Variants in DHRS7B observed in about 807,000 individuals in gnomAD.
The protein encoded by DHRS7B is peroxisomal reductase activating PPAR-gamma.
Under a neutral mutation model 26.4 loss-of-function variants are expected in DHRS7B, and 24 were observed. The observed-to-expected ratio is 0.91, with a 90% confidence interval of 0.66 to 1.28. The LOEUF (loss-of-function observed/expected upper bound fraction) is 1.28, where lower values mean the gene tolerates loss of function less well. Ranked by LOEUF, DHRS7B falls within the 50% of genes most tolerant of loss-of-function variation. DHRS7B has a pLI of 0.00. For missense variants in DHRS7B, 368 were observed against 419.4 expected (o/e 0.88, Z 1.07); for synonymous variants, 142 against 166.4 (o/e 0.85, Z 1.13).
intron 1 of DHRS7B, among the ~76,000 whole-genome samples, chr17:21,137,693 G>A (rs185044973): frequency 4.6e-5 from 7 of 152,142 alleles, no homozygotes; most frequent in African/African-American, 1.4e-4. Flanking sequence ...CCAACCTCAG[G>A]TGATCCGACT....
chr17:21,190,669 G>C (rs1974756355), intron 6 of DHRS7B, among the ~76,000 whole-genome samples: 1 of 152,224 alleles, frequency 6.6e-6, no homozygotes, highest in African/African-American at 2.4e-5. Flanking sequence ...GACTCACTTT[G>C]GTTCCAAGCC....
At chr17:21,177,467 G>A (rs189550398) in intron 2 of DHRS7B, among the ~76,000 whole-genome samples, 11 of 152,268 alleles carry the variant, frequency 7.2e-5, no homozygotes, top group Admixed American at 4.6e-4. Context: ...GTTGAAGTCC[G>A]CATCGATTGT....
intron 1 of DHRS7B, among the ~76,000 whole-genome samples, chr17:21,171,228 G>A (rs950937326): frequency 2.8e-4 from 42 of 152,212 alleles, no homozygotes; most frequent in African/African-American, 9.9e-4. Flanking sequence ...AGGTGAATGC[G>A]GAGGAATGGG....
intron 1 of DHRS7B, among the ~76,000 whole-genome samples, chr17:21,164,760 T>G (rs1486285461): frequency 6.6e-5 from 10 of 152,340 alleles, no homozygotes; most frequent in Non-Finnish European, 1.5e-5. Context: ...GCTTTTCTCC[T>G]TCGTTCATTG....
intron 1 of DHRS7B, among the ~76,000 whole-genome samples, chr17:21,153,002 A>G (rs536199555): frequency 7.5e-4 from 113 of 151,588 alleles, no homozygotes; most frequent in Non-Finnish European, 1.4e-3. Flanking sequence ...CCTTTTGATT[A>G]AAAAATTACA....
At chr17:21,140,022 C>CTTGTTT (rs1973456409) in intron 1 of DHRS7B, among the ~76,000 whole-genome samples, 1 of 106,702 alleles carries the variant, frequency 9.4e-6, no homozygotes, top group African/African-American at 3.7e-5. Context: ...CTTTCAGATT[C>CTTGTTT]TTTTTTTTTT....
chr17:21,148,701 G>A (rs766221943), intron 1 of DHRS7B, among the ~76,000 whole-genome samples: 99 of 152,174 alleles, frequency 6.5e-4, no homozygotes, highest in African/African-American at 2.1e-3. Flanking sequence ...AGCCAAGATC[G>A]TGCCACTGCA....
intron 5 of DHRS7B, among the ~76,000 whole-genome samples, chr17:21,184,801 A>G (rs370735361): frequency 3.5e-4 from 54 of 152,284 alleles, no homozygotes; most frequent in African/African-American, 1.2e-3. Flanking sequence ...AGCCACTCCT[A>G]CTGTTAAGAT....
intron 1 of DHRS7B, among the ~76,000 whole-genome samples, chr17:21,159,250 CT>C (rs749833688): frequency 0.022 from 3,118 of 143,758 alleles, 113 homozygotes; most frequent in African/African-American, 0.07. Flanking sequence ...TTCTTTCTTT[CT>C]TTTTTTTTTT....
At chr17:21,132,530 C>CAAAAA (rs34728939) in intron 1 of DHRS7B, among the ~76,000 whole-genome samples, 1 of 81,686 alleles carries the variant, frequency 1.2e-5, no homozygotes, top group Non-Finnish European at 2.1e-5. Flanking sequence ...GACCTTGTCT[C>CAAAAA]AAAAAAAAAA....
intron 1 of DHRS7B, among the ~76,000 whole-genome samples, chr17:21,149,622 C>T (rs902005447): frequency 2.6e-5 from 4 of 151,612 alleles, no homozygotes; most frequent in Admixed American, 2.0e-4. Flanking sequence ...TGTGGGGGGA[C>T]GAGGATAAAG....
chr17:21,150,105 T>TAAAAAAAAAAA (rs61516968), intron 1 of DHRS7B, among the ~76,000 whole-genome samples: 2 of 50,074 alleles, frequency 4.0e-5, no homozygotes, highest in African/African-American at 7.5e-5. Flanking sequence ...CATCTCTATT[T>TAAAAAAAAAAA]AAAAAAAAAA....
At chr17:21,164,115 A>G (rs925630563) in intron 1 of DHRS7B, among the ~76,000 whole-genome samples, 1 of 144,922 alleles carries the variant, frequency 6.9e-6, no homozygotes, top group African/African-American at 2.6e-5. Context: ...TATAACCTCA[A>G]ACTCCTGGGC....
At chr17:21,169,431 C>T (rs1339975301) in intron 1 of DHRS7B, among the ~76,000 whole-genome samples, 1 of 152,100 alleles carries the variant, frequency 6.6e-6, no homozygotes, top group Non-Finnish European at 1.5e-5. Context: ...ATTCATCCAA[C>T]CTCATAACAA....
intron 1 of DHRS7B, chr17:21,171,532 G>A (rs1041408115): frequency 2.7e-5 from 7 of 258,868 alleles, no homozygotes; most frequent in African/African-American, 1.6e-4. Flanking sequence ...ACCCAGAAAC[G>A]TCCGTCCTCT....
At chr17:21,127,141 G>A in intron 1 of DHRS7B, 150 bp downstream of exon 1, 1 of 770,460 alleles carries the variant, frequency 1.3e-6, no homozygotes, top group Non-Finnish European at 1.9e-6. Context: ...CCGCGACGCC[G>A]AACTCTGAAG....
Position 21,172,054 on chromosome 17 carries a change from C to A in DHRS7B, c.57C>A (p.Ile19=). ...CGAAGGTGAAGGCCATGGACTTCAT[C>A]ACCTCCACAGCCATCCTGCCCCTGC... ...SLPKVKAMDF[I]TSTAILPLLF... is the part of the protein sequence containing the mutation. The change falls in exon 2 of 7, where the codon ATC becomes ATA. Residue 19 remains isoleucine, a synonymous_variant. Coordinates refer to ENST00000395511, the MANE Select transcript of DHRS7B (RefSeq NM_015510.5). The A allele has an allele frequency of 6.2e-7, 1 of 1,614,222 alleles. No individual in the cohort carries two copies. Among genetic ancestry groups the A allele is most frequent in the South Asian group, 1.1e-5 (1 of 91,084 alleles).
Position 21,141,632 on chromosome 17 carries a change from A to AG in DHRS7B, c.20+14641_20+14642insG, listed in dbSNP as rs1453782809. Among the ~76,000 whole-genome samples the AG allele has an allele frequency of 6.9e-5, 10 of 144,304 alleles. 1 individual carries two copies. Among genetic ancestry groups the AG allele is most frequent in the African/African-American group, 2.6e-4 (10 of 39,022 alleles). 94.7% of individuals were successfully genotyped at this position (144,304 alleles called of 152,430 possible). A position where few individuals can be genotyped will look rare whatever the true frequency, so the allele number is the denominator to read the frequency against. ...CCAGCAAGAAAGCAAAAAAAAAAAA[A>AG]AAAAAAAACAACCTCATCTCAAACT... On this transcript the variant is annotated intron_variant, in intron 1 of 6. Coordinates refer to ENST00000395511, the MANE Select transcript of DHRS7B (RefSeq NM_015510.5).
chr17:21,163,137 A>G (rs1348394867), intron 1 of DHRS7B, among the ~76,000 whole-genome samples: 1 of 151,754 alleles, frequency 6.6e-6, no homozygotes, highest in Non-Finnish European at 1.5e-5. Flanking sequence ...CAGAGGTTGC[A>G]GTGAACCGAG....
Sources: allele counts gnomAD v4.1 joint callset (sites outside exome capture counted in the v4.1 genomes callset), GRCh38; gene constraint gnomAD v4.1.1; transcripts MANE v1.5; gene names NCBI Gene and HGNC (gene_info 2026-07-23, HGNC 2026-07-21).